Variants in CDH13 observed in about 807,000 individuals in gnomAD.
CDH13 encodes cadherin 13.
CDH13 carries 24 observed loss-of-function variants against 63.8 expected under a neutral mutation model. The observed-to-expected ratio is 0.38, with a 90% confidence interval of 0.27 to 0.53. The LOEUF (loss-of-function observed/expected upper bound fraction) is 0.53. Among genes scored for constraint, CDH13 ranks in the 20% least tolerant of loss-of-function variants. The pLI is 0.85. For synonymous variants in CDH13, 503 were observed against 355.3 expected, an observed-to-expected ratio of 1.42 and a Z score of -4.67; for missense variants, 1,049 against 903.1, an observed-to-expected ratio of 1.16 and a Z score of -2.07.
chr16:83,390,493 T>C (rs1408297189), intron 6 of CDH13, among the ~76,000 whole-genome samples: 1 of 152,120 alleles, frequency 6.6e-6, no homozygotes, highest in Non-Finnish European at 1.5e-5. Context: ...ACAGGGACTT[T>C]TAACTTGCCT....
rs1904650098 is a variant in CDH13, at chr16:83,243,255, T to C, written c.636+25758T>C. Among the ~76,000 whole-genome samples, 4 of 152,194 alleles carry C rather than the reference T, an allele frequency of 2.6e-5. No homozygotes were observed. The South Asian group carries it at 8.3e-4, about 32-fold the overall frequency. Reference sequence around the variant, plus strand: ...AAAACATACCTGCGACTGGGTAATTTATAAAGAAAATGAAGTTTAATGCAC... The same window carrying C: ...AAAACATACCTGCGACTGGGTAATTCATAAAGAAAATGAAGTTTAATGCAC... On this transcript the variant is annotated intron_variant, in intron 5 of 13. Coordinates refer to ENST00000567109, the MANE Select transcript of CDH13 (RefSeq NM_001257.5).
At chr16:83,057,865 G>C (rs140719480) in intron 3 of CDH13, among the ~76,000 whole-genome samples, 1 of 152,270 alleles carries the variant, frequency 6.6e-6, no homozygotes, top group African/African-American at 2.4e-5. Context: ...AAATGCTGAC[G>C]CTTAAACCTG....
At chr16:82,678,991 G>A (rs771035869) in intron 1 of CDH13, among the ~76,000 whole-genome samples, 3 of 152,108 alleles carry the variant, frequency 2.0e-5, no homozygotes, top group Non-Finnish European at 2.9e-5. Context: ...ACTCAAGGGA[G>A]CAGACTCCAG....
chr16:82,777,246 G>A (rs1301170745), intron 1 of CDH13, among the ~76,000 whole-genome samples: 1 of 152,220 alleles, frequency 6.6e-6, no homozygotes, highest in African/African-American at 2.4e-5. Flanking sequence ...TAGGATTACA[G>A]GCACGAGCCA....
chr16:83,413,583 A>C (rs2092158139), intron 6 of CDH13, among the ~76,000 whole-genome samples: 1 of 152,184 alleles, frequency 6.6e-6, no homozygotes, highest in Non-Finnish European at 1.5e-5. Flanking sequence ...AGATTATTAA[A>C]ATATATGAAA....
At chr16:83,224,781 T>G (rs1265363258) in intron 5 of CDH13, among the ~76,000 whole-genome samples, 3 of 152,246 alleles carry the variant, frequency 2.0e-5, no homozygotes, top group Non-Finnish European at 2.9e-5. Flanking sequence ...AGAGTGAGAT[T>G]ACAGTATCAT....
At chr16:82,965,719 C>T (rs900545888) in intron 2 of CDH13, among the ~76,000 whole-genome samples, 5 of 152,192 alleles carry the variant, frequency 3.3e-5, no homozygotes, top group African/African-American at 7.2e-5. Context: ...TCTCAAACTA[C>T]TGACCTCAAG....
intron 1 of CDH13, among the ~76,000 whole-genome samples, chr16:82,744,266 G>A (rs113406134): frequency 1.3e-5 from 2 of 152,196 alleles, no homozygotes; most frequent in African/African-American, 4.8e-5. Flanking sequence ...TGTTAAATGA[G>A]TAATTAGAAT....
intron 6 of CDH13, among the ~76,000 whole-genome samples, chr16:83,400,555 G>T (rs2091953196): frequency 6.6e-6 from 1 of 152,168 alleles, no homozygotes; most frequent in South Asian, 2.1e-4. Flanking sequence ...GTAGGTTGGA[G>T]CAAAAGTAAT....
chr16:83,707,629 T>C (rs1449170510), intron 10 of CDH13, among the ~76,000 whole-genome samples: 1 of 152,072 alleles, frequency 6.6e-6, no homozygotes, highest in Admixed American at 6.6e-5. Flanking sequence ...CTGGCTGAGT[T>C]CCTATAAGAC....
At position 82,814,204 on chromosome 16, in the gene CDH13, G is replaced by A. The variant is rs116165333; in HGVS notation, c.46-44158G>A. 4.5e-3 allele frequency among the ~76,000 whole-genome samples: 690 copies of A among 152,232 alleles called. 7 individuals are homozygous for A. The highest frequency in any genetic ancestry group is 0.016 in the African/African-American group (655 of 41,534). ...AGTTCCTGGCAGACAGCATCTAAGAGCTTTGTAATTTCCTGAGTGACGGGA... is the reference window on the plus strand; with the variant it reads ...AGTTCCTGGCAGACAGCATCTAAGAACTTTGTAATTTCCTGAGTGACGGGA... On this transcript the variant is annotated intron_variant, in intron 1 of 13. Transcript: ENST00000567109.
intron 7 of CDH13, among the ~76,000 whole-genome samples, chr16:83,552,937 G>A (rs962901273): frequency 6.6e-6 from 1 of 152,060 alleles, no homozygotes; most frequent in African/African-American, 2.4e-5. Flanking sequence ...AAATTAGCCG[G>A]GAGTGGTGGC....
At chr16:83,674,367 T>C (rs1914774809) in intron 9 of CDH13, among the ~76,000 whole-genome samples, 1 of 152,184 alleles carries the variant, frequency 6.6e-6, no homozygotes. Context: ...TGCATCCTAA[T>C]GCAGGAAACA....
chr16:83,198,499 T>C (rs954354901), intron 4 of CDH13, among the ~76,000 whole-genome samples: 1 of 152,212 alleles, frequency 6.6e-6, no homozygotes, highest in African/African-American at 2.4e-5. Flanking sequence ...TTGTGCTTTC[T>C]ATTTATTATT....
chr16:83,527,448 CAA>C (rs113406128), intron 7 of CDH13, among the ~76,000 whole-genome samples: 5 of 138,960 alleles, frequency 3.6e-5, no homozygotes, highest in African/African-American at 1.3e-4. Context: ...GACCCCATCT[CAA>C]AAAAAAAAAA....
At chr16:83,403,584 T>C (rs900538435) in intron 6 of CDH13, among the ~76,000 whole-genome samples, 3 of 152,060 alleles carry the variant, frequency 2.0e-5, no homozygotes, top group Non-Finnish European at 4.4e-5. Flanking sequence ...GATGGCACAA[T>C]TGCAGTCCAC....
At chr16:82,951,114 A>G (rs969693427) in intron 2 of CDH13, among the ~76,000 whole-genome samples, 1 of 152,064 alleles carries the variant, frequency 6.6e-6, no homozygotes, top group Non-Finnish European at 1.5e-5. Flanking sequence ...CACAGGTCAC[A>G]ATGGCCATGT....
chr16:83,657,475 T>G (rs1912969528), intron 8 of CDH13, among the ~76,000 whole-genome samples: 1 of 152,194 alleles, frequency 6.6e-6, no homozygotes. Context: ...AGAGCAGCAC[T>G]TTAGACATAA....
chr16:83,636,768 A>C (rs946052246), intron 8 of CDH13, among the ~76,000 whole-genome samples: 8 of 152,156 alleles, frequency 5.3e-5, no homozygotes, highest in Non-Finnish European at 1.2e-4. Flanking sequence ...TCCTTTGAGT[A>C]TCTACTCAGT....
Sources: gnomAD v4.1 joint callset for allele counts (sites outside exome capture counted in the v4.1 genomes callset) on GRCh38, gnomAD v4.1.1 for gene constraint, MANE v1.5 for transcripts, NCBI Gene and HGNC (gene_info 2026-07-23, HGNC 2026-07-21) for gene names.